The following INTS14 variants were observed in gnomAD, a reference collection of about 807,000 sequenced individuals.
INTS14 encodes the protein integrator complex subunit 14.
INTS14 carries 27 observed loss-of-function variants against 56.9 expected under a neutral mutation model. The ratio of observed to expected loss-of-function variants is 0.47; its 90% CI spans 0.35 to 0.65. The LOEUF (loss-of-function observed/expected upper bound fraction) is 0.65. Among genes scored for constraint, INTS14 ranks in the 30% least tolerant of loss-of-function variants. The pLI is 0.00. For missense variants in INTS14, 517 were observed against 632.2 expected, an observed-to-expected ratio of 0.82 and a Z score of 1.95; for synonymous variants, 207 against 236.2, an observed-to-expected ratio of 0.88 and a Z score of 1.13.
At chr15:65,585,695 C>T (rs996239662) in intron 9 of INTS14, among the ~76,000 whole-genome samples, 2 of 152,174 alleles carry the variant, frequency 1.3e-5, no homozygotes, top group Non-Finnish European at 2.9e-5. Context: ...ATTATTACCA[C>T]CTTCTCGTGT....
In INTS14 at chr15:65,598,946, A is replaced by T. The variant is rs1288095606; in HGVS notation, c.531T>A (p.Asp177Glu). The T allele has an allele frequency of 1.2e-6, 2 of 1,613,910 alleles. No homozygotes were observed. The highest frequency in any genetic ancestry group is 1.7e-6 in the Non-Finnish European group (2 of 1,179,962). The change falls in exon 5 of 12, where the codon GAT becomes GAA. Residue 177 changes from aspartate (D) to glutamate (E), a missense_variant. Transcript: ENST00000313182. The part of the protein sequence containing the change: ...DSLECLERLI[D>E]LNNGEGQIFT... ...AAATCTGCCCTTCACCATTGTTTAA[A>T]TCTATGAGACGTTCAAGGCATTCCA...
At chr15:65,585,467 G>T (rs1053142598) in intron 9 of INTS14, among the ~76,000 whole-genome samples, 2 of 152,128 alleles carry the variant, frequency 1.3e-5, no homozygotes, top group African/African-American at 4.8e-5. Flanking sequence ...TATATATATA[G>T]CCAAATTAAG....
chr15:65,607,296 G>T lies in INTS14; in HGVS notation c.85C>A (p.His29Asn), dbSNP rs779700772. The T allele has an allele frequency of 9.3e-6, 15 of 1,614,174 alleles. No homozygotes were observed. In the South Asian group the frequency reaches 1.6e-4, roughly 18 times the overall value. The change falls in exon 2 of 12, where the codon CAC becomes AAC. Residue 29 changes from histidine to asparagine, a missense_variant. Coordinates refer to ENST00000313182, the MANE Select transcript of INTS14 (RefSeq NM_001394796.1). ...ATCGTTAAACCATGGGCTGCTAGGTGCTTACGCTGGTATTCCTCGGACCCC... is the reference window on the plus strand; with the variant it reads ...ATCGTTAAACCATGGGCTGCTAGGTTCTTACGCTGGTATTCCTCGGACCCC... The part of the protein sequence containing the change: ...IEGSEEYQRK[H>N]LAAHGLTMLF...
intron 1 of INTS14, among the ~76,000 whole-genome samples, chr15:65,608,392 T>C (rs62013111): frequency 6.7e-6 from 1 of 149,128 alleles, no homozygotes; most frequent in Admixed American, 6.7e-5. Context: ...AAAAAAAATT[T>C]ATACAGCTGG....
At chr15:65,605,953 C>T (rs1449576943) in intron 2 of INTS14, among the ~76,000 whole-genome samples, 1 of 151,964 alleles carries the variant, frequency 6.6e-6, no homozygotes, top group Non-Finnish European at 1.5e-5. Context: ...GCTTTTAAGT[C>T]ACTTAAAAAA....
rs1014784926 is a variant in INTS14 at position 65,579,678 on chromosome 15, T to C, written c.1306-19A>G. 3 of 1,605,604 alleles carry C rather than the reference T, an allele frequency of 1.9e-6. No individual in the cohort carries two copies. Among genetic ancestry groups the C allele is most frequent in the Non-Finnish European group, 2.6e-6 (3 of 1,173,592 alleles). On this transcript the variant is annotated intron_variant, in intron 11 of 11. Transcript: ENST00000313182. ...TCAGCTCCTGAAACAAGACAGAAAA[T>C]CACCAATGCTCCTGAAATGTGTTCC...
intron 9 of INTS14, chr15:65,586,640 T>C (rs1034364314): frequency 6.6e-6 from 1 of 152,166 alleles, no homozygotes; most frequent in Non-Finnish European, 1.5e-5. Context: ...CAGGAAATAT[T>C]ACATTTATGA....
chr15:65,581,911 G>A (rs778577321), intron 11 of INTS14, 43 bp downstream of exon 11: 71 of 1,593,800 alleles, frequency 4.5e-5, no homozygotes, highest in Admixed American at 1.2e-4. Context: ...TTTTACTGTC[G>A]TGAACCATAT....
intron 6 of INTS14, among the ~76,000 whole-genome samples, chr15:65,596,314 G>C (rs928997757): frequency 1.3e-5 from 2 of 152,020 alleles, no homozygotes; most frequent in Non-Finnish European, 2.9e-5. Context: ...CTGTAGTAAA[G>C]ACCAAAAGTA....
rs753783381 is a variant in INTS14, at chr15:65,593,577, GA to G, written c.842-6del. ...CAGTACCCACCTCATCACCTTCTGT[GA>G]AAAAAAGAGAAAACAGGTCAGACTG... On this transcript the variant is annotated splice_polypyrimidine_tract_variant and splice_region_variant and intron_variant, in intron 7 of 11. Coordinates refer to ENST00000313182, the MANE Select transcript of INTS14 (RefSeq NM_001394796.1). 2.5e-6 allele frequency: 4 copies of G among 1,599,454 alleles called. No individual in the cohort carries two copies. The highest frequency in any genetic ancestry group is 2.6e-6 in the Non-Finnish European group (3 of 1,175,380).
At position 65,607,221 on chromosome 15, in the gene INTS14, C is replaced by A; in HGVS notation, c.160G>T (p.Val54Leu). 1 of 1,614,198 alleles carries A rather than the reference C, an allele frequency of 6.2e-7. No individual in the cohort carries two copies. The highest frequency in any genetic ancestry group is 1.3e-5 in the African/African-American group (1 of 75,040). Residue 54 changes from valine (V) to leucine (L), a missense_variant, in exon 2 of 12, where the codon GTG becomes TTG. Transcript: ENST00000313182. ...AACTCCCAAAGTGATGAAAAAACCA[C>A]AAGTGCTGTAAATTCAAGCTTGTAA... ...TNYKLEFTAL[V>L]VFSSLWELMV...
chr15:65,610,688 G>A (rs2073888839), intron 1 of INTS14: 5 of 1,535,706 alleles, frequency 3.3e-6, no homozygotes, highest in Non-Finnish European at 4.4e-6. Context: ...TGCCTCACCT[G>A]CTCTTTGGCT....
intron 9 of INTS14, among the ~76,000 whole-genome samples, chr15:65,587,624 G>A (rs1176662973): frequency 6.6e-6 from 1 of 152,166 alleles, no homozygotes; most frequent in Non-Finnish European, 1.5e-5. Context: ...AGGTGGGTGG[G>A]AGATGGTGGT....
chr15:65,602,775 C>G (rs1265741963), intron 3 of INTS14, among the ~76,000 whole-genome samples: 1 of 151,960 alleles, frequency 6.6e-6, no homozygotes, highest in Non-Finnish European at 1.5e-5. Flanking sequence ...TCAAGCGATT[C>G]TCCTGCCGCA....
In INTS14 at chr15:65,599,837, C is replaced by T. The variant is rs750055878; in HGVS notation, c.423G>A (p.Arg141=). 1.2e-6 allele frequency: 2 copies of T among 1,614,172 alleles called. No homozygotes were observed. Among genetic ancestry groups the T allele is most frequent in the African/African-American group, 1.3e-5 (1 of 75,036 alleles). ...ATQNQRSESN[R]FPLPFPFPSK... ...ATGGGAAAGGAAAAGGTAGTGGAAA[C>T]CTGTTGCTCTCACTTCGTTGATTTT... is the stretch of plus-strand genomic sequence containing the variant. The change falls in exon 4 of 12, where the codon AGG becomes AGA. Residue 141 remains arginine, a synonymous_variant. Coordinates refer to ENST00000313182, the MANE Select transcript of INTS14 (RefSeq NM_001394796.1).
chr15:65,593,636 A>G (rs1187631941), intron 7 of INTS14, 64 bp from the exon 8 acceptor site: 2 of 1,556,246 alleles, frequency 1.3e-6, no homozygotes, highest in Admixed American at 3.8e-5. Context: ...ACCCCAATTT[A>G]TACTCTTGGA....
intron 9 of INTS14, among the ~76,000 whole-genome samples, chr15:65,587,464 A>G (rs545370117): frequency 1.3e-5 from 2 of 152,368 alleles, no homozygotes; most frequent in East Asian, 3.9e-4. Flanking sequence ...TAGGGGACAA[A>G]AAGTTGCAAA....
At position 65,598,905 on chromosome 15, in the gene INTS14, G is replaced by A. The variant is rs1184207010; in HGVS notation, c.572C>T (p.Pro191Leu). Residue 191 changes from proline to leucine, a missense_variant, in exon 5 of 12, where the codon CCC (proline) becomes CTC (leucine). Physicochemically the swap from Pro to Leu is moderately conservative, Grantham distance 98. Transcript: ENST00000313182. ...GEGQIFTIDG[P>L]LCLKNVQSMF... is the part of the protein sequence containing the mutation. ...AGACTGTACATTCTTCAAGCACAGG[G>A]GGCCATCAATAGTAAAAATCTGCCC... is the stretch of plus-strand genomic sequence containing the variant. 1.6e-5 allele frequency: 26 copies of A among 1,613,818 alleles called. No individual in the cohort carries two copies. The highest frequency in any genetic ancestry group is 2.2e-5 in the Non-Finnish European group (26 of 1,179,868).
intron 9 of INTS14, among the ~76,000 whole-genome samples, chr15:65,585,904 T>C (rs552563101): frequency 6.6e-6 from 1 of 152,192 alleles, no homozygotes; most frequent in Non-Finnish European, 1.5e-5. Context: ...GACTCCTCCA[T>C]AAAATACTGG....
Sources: gnomAD v4.1 joint callset for allele counts (sites outside exome capture counted in the v4.1 genomes callset) on GRCh38, gnomAD v4.1.1 for gene constraint, MANE v1.5 for transcripts, NCBI Gene and HGNC (gene_info 2026-07-23, HGNC 2026-07-21) for gene names.